PRR16: variants seen among roughly 807,000 people sequenced by gnomAD.
PRR16 encodes the protein protein Largen.
PRR16 carries 6 observed loss-of-function variants against 18.2 expected under a neutral mutation model. The ratio of observed to expected loss-of-function variants is 0.33; its 90% CI spans 0.18 to 0.65. PRR16 has a LOEUF of 0.65. Among genes scored for constraint, PRR16 ranks in the 30% least tolerant of loss-of-function variants. PRR16 has a pLI of 0.74. For missense variants in PRR16, 412 were observed against 376.6 expected, an observed-to-expected ratio of 1.09 and a Z score of -0.78; for synonymous variants, 151 against 147.8, an observed-to-expected ratio of 1.02 and a Z score of -0.16.
chr5:120,677,270 T>A (rs1756829416), intron 1 of PRR16, among the ~76,000 whole-genome samples: 1 of 152,190 alleles, frequency 6.6e-6, no homozygotes, highest in Non-Finnish European at 1.5e-5. Context: ...TACTGTGTCC[T>A]TGCTGGAATA....
In PRR16 at chr5:120,686,686, A is replaced by C; in HGVS notation, c.892A>C (p.Lys298Gln). The C allele has an allele frequency of 1.3e-6, 2 of 1,556,144 alleles. No homozygotes were observed. The highest frequency in any genetic ancestry group is 1.7e-6 in the Non-Finnish European group (2 of 1,150,370). ...APKPQKTILR[K>Q]STTTTV ...AAAACCACAGAAGACGATCTTGAGG[A>C]AGTCAACCACTACAACCGTGTGATG... The change falls in exon 2 of 2, where the codon AAG (lysine) becomes CAG (glutamine). Residue 298 changes from lysine (K) to glutamine (Q), a missense_variant. By Grantham distance (53) the Lys-to-Gln change is moderately conservative. Coordinates refer to ENST00000407149, the MANE Select transcript of PRR16 (RefSeq NM_001300783.2).
chr5:120,630,359 G>A (rs766282262), intron 1 of PRR16, among the ~76,000 whole-genome samples: 4 of 151,898 alleles, frequency 2.6e-5, no homozygotes, highest in South Asian at 2.1e-4. Flanking sequence ...CTGACTTTCC[G>A]GCACAGTGTA....
intron 1 of PRR16, among the ~76,000 whole-genome samples, chr5:120,585,913 T>C (rs1753425314): frequency 6.6e-6 from 1 of 152,072 alleles, no homozygotes; most frequent in Non-Finnish European, 1.5e-5. Context: ...CGATGGCTCA[T>C]GCTTGTAATC....
At chr5:120,530,281 ATATTTATTTATT>A (rs1280890843) in intron 1 of PRR16, among the ~76,000 whole-genome samples, 26 of 92,656 alleles carry the variant, frequency 2.8e-4, no homozygotes, top group East Asian at 1.0e-3. Context: ...ATATATATAT[ATATTTATTTATT>A]TATTTATTTA....
intron 1 of PRR16, among the ~76,000 whole-genome samples, chr5:120,561,186 G>A (rs184321392): frequency 3.0e-4 from 45 of 150,966 alleles, no homozygotes; most frequent in African/African-American, 1.0e-3. Context: ...TTCATTTTTA[G>A]TTCTTTAAGA....
chr5:120,528,915 C>T (rs1751457298), intron 1 of PRR16, among the ~76,000 whole-genome samples: 1 of 152,078 alleles, frequency 6.6e-6, no homozygotes, highest in Admixed American at 6.5e-5. Flanking sequence ...AACTATGAGC[C>T]CTTGTGAAAA....
intron 1 of PRR16, among the ~76,000 whole-genome samples, chr5:120,541,037 G>T (rs1330289792): frequency 6.6e-6 from 1 of 152,190 alleles, no homozygotes; most frequent in East Asian, 1.9e-4. Context: ...TTTATAAAGA[G>T]ATTCTTTAGA....
intron 1 of PRR16, among the ~76,000 whole-genome samples, chr5:120,545,009 G>C (rs184169791): frequency 8.3e-4 from 127 of 152,212 alleles, no homozygotes; most frequent in African/African-American, 2.9e-3. Context: ...CTGATGATTT[G>C]AGATTTCCTT....
chr5:120,494,910 A>G (rs1043269129), intron 1 of PRR16, among the ~76,000 whole-genome samples: 3 of 151,834 alleles, frequency 2.0e-5, no homozygotes, highest in Admixed American at 6.6e-5. Context: ...TTTTTGTTGT[A>G]CTATTTATGG....
chr5:120,497,930 T>C (rs1177351785), intron 1 of PRR16, among the ~76,000 whole-genome samples: 2 of 151,854 alleles, frequency 1.3e-5, no homozygotes, highest in Non-Finnish European at 2.9e-5. Flanking sequence ...GTCTATATCA[T>C]TATATTGATG....
the PRR16 span, among the ~76,000 whole-genome samples, chr5:120,773,672 C>T: frequency 3.3e-5 from 5 of 151,962 alleles, no homozygotes; most frequent in Non-Finnish European, 7.4e-5. Context: ...ATCTCTCTGC[C>T]AGACTATCAG....
the PRR16 span, among the ~76,000 whole-genome samples, chr5:120,757,331 T>C: frequency 6.6e-6 from 1 of 152,082 alleles, no homozygotes; most frequent in African/African-American, 2.4e-5. Flanking sequence ...AATTTTTGGA[T>C]AGTTTTTCTA....
intron 1 of PRR16, among the ~76,000 whole-genome samples, chr5:120,577,725 A>G (rs1311252995): frequency 1.3e-5 from 2 of 152,210 alleles, no homozygotes; most frequent in African/African-American, 4.8e-5. Flanking sequence ...CAGGCAAAAT[A>G]TTACATAGTA....
At chr5:120,694,519 C>A in the PRR16 span, among the ~76,000 whole-genome samples, 1 of 151,956 alleles carries the variant, frequency 6.6e-6, no homozygotes, top group South Asian at 2.1e-4. Flanking sequence ...CCCGTCTGTA[C>A]TAAAAATACA....
intron 1 of PRR16, among the ~76,000 whole-genome samples, chr5:120,650,479 T>TCC (rs1755742350): frequency 1.6e-5 from 1 of 60,628 alleles, no homozygotes; most frequent in Non-Finnish European, 3.2e-5. Flanking sequence ...CCCTCCCCCC[T>TCC]CCCCCCACTC....
chr5:120,493,360 T>C lies in PRR16; in HGVS notation c.159+28715T>C, dbSNP rs182198344. ...TTGTTGGCTATTTGTAATCTTTTTT[T>C]GAGAAATGTGATTGTGTTATAGACT... On this transcript the variant is annotated intron_variant, in intron 1 of 1. Transcript: ENST00000407149. Among the ~76,000 whole-genome samples the C allele has an allele frequency of 2.3e-3, 345 of 152,352 alleles. 4 individuals are homozygous for C. Among genetic ancestry groups the C allele is most frequent in the African/African-American group, 7.9e-3 (329 of 41,580 alleles).
chr5:120,704,241 C>G, the PRR16 span, among the ~76,000 whole-genome samples: 6 of 152,132 alleles, frequency 3.9e-5, no homozygotes, highest in African/African-American at 1.4e-4. Flanking sequence ...CTATGGAAAG[C>G]TGAGTTCCCA....
chr5:120,551,966 C>T (rs549443733), intron 1 of PRR16, among the ~76,000 whole-genome samples: 1 of 152,052 alleles, frequency 6.6e-6, no homozygotes, highest in South Asian at 2.1e-4. Flanking sequence ...CTTACTTTCT[C>T]ATTTAGGACC....
chr5:120,468,289 G>A (rs1195474562), intron 1 of PRR16, among the ~76,000 whole-genome samples: 1 of 152,158 alleles, frequency 6.6e-6, no homozygotes, highest in Non-Finnish European at 1.5e-5. Context: ...ATATTCAAAT[G>A]TTGTAACTAA....
Sources: gnomAD v4.1 joint callset for allele counts (sites outside exome capture counted in the v4.1 genomes callset) on GRCh38, gnomAD v4.1.1 for gene constraint, MANE v1.5 for transcripts, NCBI Gene and HGNC (gene_info 2026-07-23, HGNC 2026-07-21) for gene names.